Variants in ME2 observed in about 807,000 individuals in gnomAD.
The protein encoded by ME2 is malic enzyme 2.
In ME2, 60 loss-of-function variants were observed where a neutral mutation model predicts 73.7. The observed-to-expected ratio is 0.81, with a 90% confidence interval of 0.66 to 1.01. The LOEUF (loss-of-function observed/expected upper bound fraction) is 1.01, where lower values mean the gene tolerates loss of function less well. ME2 is among the 50% of genes least tolerant of loss of function. ME2 has a pLI of 0.00. For missense variants in ME2, 594 were observed against 705.5 expected (o/e 0.84, Z 1.79); for synonymous variants, 199 against 236.9 (o/e 0.84, Z 1.47).
At position 50,916,235 on chromosome 18, in the gene ME2, C is replaced by G; in HGVS notation, c.460C>G (p.His154Asp). ...RSIVDNWPEN[H>D]VKAVVVTDGE... ...AATTGTGGATAACTGGCCAGAAAAT[C>G]ATGTTAAGGTACTAATAGCACAACC... Residue 154 changes from histidine (H) to aspartate (D), a missense_variant, in exon 5 of 16, where the codon CAT (histidine) becomes GAT (aspartate). His to Asp is a moderately conservative substitution (Grantham distance 81). Coordinates refer to ENST00000321341, the MANE Select transcript of ME2 (RefSeq NM_002396.5). 6.2e-7 allele frequency: 1 copy of G among 1,610,694 alleles called. No individual in the cohort carries two copies. Among genetic ancestry groups the G allele is most frequent in the South Asian group, 1.1e-5 (1 of 90,832 alleles).
intron 1 of ME2, among the ~76,000 whole-genome samples, chr18:50,893,298 A>G (rs1379424865): frequency 6.6e-6 from 1 of 152,150 alleles, no homozygotes. Context: ...TTAATTTCTA[A>G]AAAGAAACCT....
At chr18:50,936,713 G>A (rs535218718) in intron 13 of ME2, among the ~76,000 whole-genome samples, 1 of 152,146 alleles carries the variant, frequency 6.6e-6, no homozygotes, top group Non-Finnish European at 1.5e-5. Context: ...ATCACTTGAG[G>A]CCAAGAGTTT....
chr18:50,893,124 C>CAAAAAAAAAAAAAAAAAAAA (rs56104427), intron 1 of ME2, among the ~76,000 whole-genome samples: 9 of 78,092 alleles, frequency 1.2e-4, no homozygotes, highest in Admixed American at 2.7e-4. Flanking sequence ...GACTCTATCT[C>CAAAAAAAAAAAAAAAAAAAA]AAAAAAAAAA....
At chr18:50,916,269 C>A in intron 5 of ME2, 26 bp downstream of exon 5, 1 of 1,529,738 alleles carries the variant, frequency 6.5e-7, no homozygotes, top group Non-Finnish European at 9.0e-7. Flanking sequence ...CCCTCCTTTT[C>A]ACAATGTTTT....
chr18:50,937,838 A>G (rs868631990), intron 13 of ME2, among the ~76,000 whole-genome samples: 1 of 152,182 alleles, frequency 6.6e-6, no homozygotes, highest in Non-Finnish European at 1.5e-5. Context: ...GTACAATATC[A>G]GAAAATATAA....
intron 1 of ME2, among the ~76,000 whole-genome samples, chr18:50,888,205 C>T (rs574201020): frequency 6.6e-6 from 1 of 152,124 alleles, no homozygotes; most frequent in African/African-American, 2.4e-5. Flanking sequence ...ATTAGCTGGG[C>T]ATGATGGCAC....
chr18:50,946,110 T>TTAAATAAATAAATAAATAAA (rs10636386), intron 15 of ME2, among the ~76,000 whole-genome samples: 5 of 149,042 alleles, frequency 3.4e-5, no homozygotes, highest in South Asian at 2.2e-4. Flanking sequence ...AGGCTCCATC[T>TTAAATAAATAAATAAATAAA]TAAATAAATA....
chr18:50,926,835 A>G (rs911376174), intron 12 of ME2, among the ~76,000 whole-genome samples: 39 of 152,208 alleles, frequency 2.6e-4, no homozygotes, highest in African/African-American at 9.4e-4. Flanking sequence ...TTTGTGTTTT[A>G]TCTGTATAGT....
In ME2 at chr18:50,924,198, C is replaced by G; in HGVS notation, c.1157C>G (p.Pro386Arg). ...GAAGATGCAGTGAATATACTGAAGC[C>G]TTCAACTATAATTGGTAGGTAAAGT... ...TFEDAVNILK[P>R]STIIGVAGAG... is the part of the protein sequence containing the mutation. The change falls in exon 11 of 16, where the codon CCT becomes CGT. Residue 386 changes from proline (P) to arginine (R), a missense_variant. Physicochemically the swap from Pro to Arg is moderately radical, Grantham distance 103. Coordinates refer to ENST00000321341, the MANE Select transcript of ME2 (RefSeq NM_002396.5). 1 of 1,604,678 alleles carries G rather than the reference C, an allele frequency of 6.2e-7. No homozygotes were observed. Among genetic ancestry groups the G allele is most frequent in the Non-Finnish European group, 8.5e-7 (1 of 1,174,876 alleles).
At chr18:50,897,125 T>G (rs1253321217) in intron 2 of ME2, among the ~76,000 whole-genome samples, 2 of 152,226 alleles carry the variant, frequency 1.3e-5, no homozygotes, top group African/African-American at 4.8e-5. Flanking sequence ...TGCTTTGTGC[T>G]TCTTTTCATG....
At chr18:50,891,731 G>A (rs1916609021) in intron 1 of ME2, among the ~76,000 whole-genome samples, 1 of 152,008 alleles carries the variant, frequency 6.6e-6, no homozygotes, top group Non-Finnish European at 1.5e-5. Flanking sequence ...GGTGTCTCTA[G>A]TATCACACAA....
chr18:50,953,061 T>C lies in ME2; in HGVS notation c.*5877T>C, dbSNP rs961071755. The C allele has an allele frequency of 6.6e-5, 10 of 152,114 alleles. No homozygotes were observed. Among genetic ancestry groups the C allele is most frequent in the African/African-American group, 9.7e-5 (4 of 41,422 alleles). The allele number at this position is 152,114 out of a possible 1,614,324, so 9.4% of individuals were successfully genotyped here. ...CAATTTCATCTAATACCTTCATGAA[T>C]TGTTACTTCAGATGAGAATTCTCAC... On this transcript the variant is annotated 3_prime_UTR_variant, in exon 16 of 16. Coordinates refer to ENST00000321341, the MANE Select transcript of ME2 (RefSeq NM_002396.5).
intron 1 of ME2, among the ~76,000 whole-genome samples, chr18:50,883,637 C>A (rs669259): frequency 1.3e-5 from 2 of 151,904 alleles, no homozygotes; most frequent in African/African-American, 4.8e-5. Flanking sequence ...CCGAGGCGGG[C>A]GGATCACCTG....
At chr18:50,918,515 C>G (rs180760536) in intron 7 of ME2, among the ~76,000 whole-genome samples, 1 of 152,268 alleles carries the variant, frequency 6.6e-6, no homozygotes, top group East Asian at 1.9e-4. Flanking sequence ...TTCAGGCTCA[C>G]GCCCACCATT....
chr18:50,934,802 T>C (rs1396550882), intron 13 of ME2: 1 of 152,200 alleles, frequency 6.6e-6, no homozygotes, highest in Non-Finnish European at 1.5e-5. Context: ...GAAAATTTTT[T>C]TTAAGACTTT....
chr18:50,943,768 C>T (rs909023123), intron 15 of ME2, among the ~76,000 whole-genome samples: 1 of 152,066 alleles, frequency 6.6e-6, no homozygotes, highest in African/African-American at 2.4e-5. Flanking sequence ...GCCAGCTGTA[C>T]AAATATACAA....
At chr18:50,905,681 T>A (rs1917001992) in intron 2 of ME2, among the ~76,000 whole-genome samples, 1 of 152,196 alleles carries the variant, frequency 6.6e-6, no homozygotes, top group Non-Finnish European at 1.5e-5. Flanking sequence ...CAGGTTTAAA[T>A]TTTTTCTTAT....
At chr18:50,917,247 A>C in intron 5 of ME2, 100 bp from the exon 6 acceptor site, 1 of 890,756 alleles carries the variant, frequency 1.1e-6, no homozygotes, top group Non-Finnish European at 1.7e-6. Context: ...TTTTAAGAGC[A>C]AAGAGTAAAT....
At chr18:50,945,453 C>A (rs760284851) in intron 15 of ME2, among the ~76,000 whole-genome samples, 3 of 152,160 alleles carry the variant, frequency 2.0e-5, no homozygotes, top group Admixed American at 6.6e-5. Flanking sequence ...ATCTTTATTG[C>A]AGTTACCTGC....
Sources: gnomAD v4.1 joint callset for allele counts (sites outside exome capture counted in the v4.1 genomes callset) on GRCh38, gnomAD v4.1.1 for gene constraint, MANE v1.5 for transcripts, NCBI Gene and HGNC (gene_info 2026-07-23, HGNC 2026-07-21) for gene names.